Variants in SLC19A1 observed in about 807,000 individuals in gnomAD.
SLC19A1 encodes solute carrier family 19 member 1.
In SLC19A1, 37 loss-of-function variants were observed where a neutral mutation model predicts 35.3. That is an observed-to-expected ratio of 1.05 (90% CI 0.81 to 1.38). SLC19A1 has a LOEUF of 1.38. Ranked by LOEUF, SLC19A1 falls within the 40% of genes most tolerant of loss-of-function variation. The pLI, the probability that SLC19A1 is intolerant of heterozygous loss-of-function variation, is 0.00. For missense variants in SLC19A1, 831 were observed against 826.9 expected, an observed-to-expected ratio of 1.00 and a Z score of -0.06; for synonymous variants, 460 against 398.5, an observed-to-expected ratio of 1.15 and a Z score of -1.84.
At chr21:45,557,102 C>T (rs2078570944) in intron 1 of SLC19A1, among the ~76,000 whole-genome samples, 1 of 152,220 alleles carries the variant, frequency 6.6e-6, no homozygotes, top group African/African-American at 2.4e-5. Flanking sequence ...CACTGCCTCC[C>T]CACGTGTCAG....
chr21:45,511,172 C>G, downstream of SLC19A1: 1 of 1,601,788 alleles, frequency 6.2e-7, no homozygotes, highest in Non-Finnish European at 8.5e-7. Context: ...CCGCTGAAGC[C>G]CGGGGCACGC....
At chr21:45,545,820 C>T (rs535733252), upstream of SLC19A1, among the ~76,000 whole-genome samples, 48 of 152,324 alleles carry the variant, frequency 3.2e-4, no homozygotes, top group Middle Eastern at 3.4e-3. Context: ...CATTTCCAGA[C>T]GTCTCCCCAG....
In SLC19A1 at chr21:45,517,642, G is replaced by A. The variant is rs564016956; in HGVS notation, c.1294-1502C>T. Among the ~76,000 whole-genome samples the A allele has an allele frequency of 2.3e-3, 257 of 109,960 alleles. 1 individual carries two copies. The highest frequency in any genetic ancestry group is 3.2e-3 in the Non-Finnish European group (177 of 54,930). 72.1% of individuals were successfully genotyped at this position (109,960 alleles called of 152,430 possible). On this transcript the variant is annotated intron_variant, in intron 5 of 5. Transcript: ENST00000311124. This position sits in a 1 kb window ranked among gnomAD's most constrained non-coding sequence, Gnocchi z 4.4. ...GCCTCTTATCCTCACCCAGTAGTAA[G>A]AGCGTGCCTGTCCTGTCCCCCTCCA...
At chr21:45,505,789 C>CCCCCCCCCT (rs1568943892) in intron 3 of SLC19A1, 1 of 1,336,786 alleles carries the variant, frequency 7.5e-7, no homozygotes. Context: ...CCGCCCCTGC[C>CCCCCCCCCT]CCCCGCCCTC....
chr21:45,521,817 A>T (rs2077447887), intron 5 of SLC19A1, among the ~76,000 whole-genome samples: 1 of 152,248 alleles, frequency 6.6e-6, no homozygotes, highest in African/African-American at 2.4e-5. Context: ...CAGGCCAAAA[A>T]AAAAGTGACC....
rs78674468 is a variant in SLC19A1 at position 45,524,954 on chromosome 21, G to A, written c.1293+863C>T. Reference sequence around the variant, plus strand: ...AGAGGGCTCTGTGGCACAGGGCCACGTGGCCTGCCAGCGTGGACAGGCCCT... The same window carrying A: ...AGAGGGCTCTGTGGCACAGGGCCACATGGCCTGCCAGCGTGGACAGGCCCT... On this transcript the variant is annotated intron_variant, in intron 5 of 5. Transcript: ENST00000311124. Among the ~76,000 whole-genome samples the A allele has an allele frequency of 7.8e-3, 1,184 of 152,340 alleles. 16 individuals carry two copies. The highest frequency in any genetic ancestry group is 0.027 in the African/African-American group (1,135 of 41,580).
downstream of SLC19A1, chr21:45,509,941 C>T (rs1379418591): frequency 5.2e-6 from 6 of 1,163,364 alleles, no homozygotes; most frequent in Non-Finnish European, 6.0e-6. Flanking sequence ...ACTTGCGCGC[C>T]TCCCGCTCAG....
downstream of SLC19A1, chr21:45,511,114 G>A (rs757492242): frequency 9.0e-6 from 14 of 1,554,284 alleles, no homozygotes; most frequent in East Asian, 4.7e-5. Flanking sequence ...CTTCCAGGAC[G>A]AGCTGCTGTT....
rs769486029 is a variant in SLC19A1 at position 45,532,001 on chromosome 21, C to CCAG, written c.334_336dup (p.Leu112dup). The CCAG allele has an allele frequency of 1.6e-5, 25 of 1,610,108 alleles. No individual in the cohort carries two copies. The highest frequency in any genetic ancestry group is 5.0e-5 in the Admixed American group (3 of 59,910). On this transcript the variant is annotated inframe_insertion, in exon 3 of 6. Transcript: ENST00000311124. ...AGCTGCATGTGCGCCACCGAGTGGC[C>CCAG]CAGCAGCAGCAGCAGCCACACCGAC...
At chr21:45,525,724 G>C in intron 5 of SLC19A1, 93 bp downstream of exon 5, 1 of 1,449,236 alleles carries the variant, frequency 6.9e-7, no homozygotes, top group South Asian at 1.3e-5. Context: ...CCAGCCCACA[G>C]TGGGCTCCAC....
intron 1 of SLC19A1, among the ~76,000 whole-genome samples, chr21:45,551,906 G>A (rs893332600): frequency 1.3e-5 from 2 of 152,150 alleles, no homozygotes; most frequent in East Asian, 1.9e-4. Context: ...GCATGTCCAC[G>A]CCTTTATGTC....
chr21:45,505,787 G>GCCCCCCCCCCCCCCCCCCCCCC, intron 3 of SLC19A1: 2 of 1,248,148 alleles, frequency 1.6e-6, no homozygotes, highest in Admixed American at 2.0e-5. Flanking sequence ...TTCCGCCCCT[G>GCCCCCCCCCCCCCCCCCCCCCC]CCCCCCGCCC....
chr21:45,515,530 G>A lies in SLC19A1; in HGVS notation c.*128C>T. ...CGCCAGAGTGCGGCACAGGGCAGGG[G>A]GAATCCTAGGGGGCCTGCTAGCAGG... On this transcript the variant is annotated 3_prime_UTR_variant, in exon 6 of 6. Coordinates refer to ENST00000311124, the MANE Select transcript of SLC19A1 (RefSeq NM_194255.4). 6.5e-7 allele frequency: 1 copy of A among 1,531,508 alleles called. No individual in the cohort carries two copies. Among genetic ancestry groups the A allele is most frequent in the East Asian group, 2.2e-5 (1 of 44,588 alleles). The allele number at this position is 1,531,508 out of a possible 1,614,324, so 94.9% of individuals were successfully genotyped here.
chr21:45,512,357 G>A (rs573442861), downstream of SLC19A1: 26 of 1,612,722 alleles, frequency 1.6e-5, no homozygotes, highest in Middle Eastern at 1.7e-4. Flanking sequence ...CGCCTACATC[G>A]TGCTCTGCAT....
Position 45,515,528 on chromosome 21 carries a change from G to T in SLC19A1, c.*130C>A, listed in dbSNP as rs1435306133. 1.3e-5 allele frequency: 20 copies of T among 1,530,778 alleles called. No individual in the cohort carries two copies. The highest frequency in any genetic ancestry group is 1.6e-5 in the Non-Finnish European group (18 of 1,153,162). 94.8% of individuals were successfully genotyped at this position (1,530,778 alleles called of 1,614,324 possible). A position where few individuals can be genotyped will look rare whatever the true frequency, so the allele number is the denominator to read the frequency against. ...ACCGCCAGAGTGCGGCACAGGGCAG[G>T]GGGAATCCTAGGGGGCCTGCTAGCA... On this transcript the variant is annotated 3_prime_UTR_variant, in exon 6 of 6. Coordinates refer to ENST00000311124, the MANE Select transcript of SLC19A1 (RefSeq NM_194255.4).
chr21:45,504,546 C>A (rs1464897062), intron 3 of SLC19A1: 1 of 1,576,962 alleles, frequency 6.3e-7, no homozygotes, highest in Non-Finnish European at 8.6e-7. Context: ...CGTGGCTACC[C>A]TGGGATTCCA....
At chr21:45,551,614 T>C (rs1217064978) in intron 1 of SLC19A1, among the ~76,000 whole-genome samples, 2 of 152,200 alleles carry the variant, frequency 1.3e-5, no homozygotes, top group Non-Finnish European at 2.9e-5. Flanking sequence ...AATATGTCGT[T>C]TTATAAAGTT....
intron 1 of SLC19A1, among the ~76,000 whole-genome samples, chr21:45,560,640 G>A (rs1439164697): frequency 6.6e-6 from 1 of 152,280 alleles, no homozygotes; most frequent in Non-Finnish European, 1.5e-5. Context: ...GGCGGGGCAG[G>A]GGAGCGGAGG....
intron 4 of SLC19A1, 39 bp from the exon 5 acceptor site, chr21:45,525,997 G>T: frequency 6.2e-7 from 1 of 1,600,224 alleles, no homozygotes; most frequent in South Asian, 1.1e-5. Context: ...GCTGCTGGGA[G>T]AATAAGCAGC....
Sources: gnomAD v4.1 joint callset for allele counts (sites outside exome capture counted in the v4.1 genomes callset) on GRCh38, gnomAD v4.1.1 for gene constraint, Gnocchi (gnomAD v3.1) non-coding constraint, MANE v1.5 for transcripts, NCBI Gene and HGNC (gene_info 2026-07-23, HGNC 2026-07-21) for gene names.